Variants in NCKAP5 observed in about 807,000 individuals in gnomAD.
The protein encoded by NCKAP5 is NCK associated protein 5, also known as nck-associated protein 5.
A neutral mutation model predicts 167.0 loss-of-function variants in NCKAP5; 92 were observed. The observed-to-expected ratio is 0.55, with a 90% CI of 0.47 to 0.66. The LOEUF is 0.66. Ranked by LOEUF, NCKAP5 falls within the 30% of genes least tolerant of loss-of-function variation. The pLI, the probability that NCKAP5 is intolerant of heterozygous loss-of-function variation, is 0.00. For missense variants in NCKAP5, 2,378 were observed against 2,315.0 expected (o/e 1.03, Z -0.56); for synonymous variants, 891 against 877.4 (o/e 1.02, Z -0.27).
chr2:133,461,172 T>A lies in NCKAP5; in HGVS notation c.69+56286A>T, dbSNP rs550068831. Among the ~76,000 whole-genome samples, 7 of 152,252 alleles carry A rather than the reference T, an allele frequency of 4.6e-5. No homozygotes were observed. In the East Asian group the frequency reaches 1.2e-3, roughly 25 times the overall value. The stretch of plus-strand genomic sequence containing the variant: ...AGCAGGTCTCAGGCAATCTTCATGC[T>A]GTGCCCATTGGGAGGAAGGACCTCC... On this transcript the variant is annotated intron_variant, in intron 3 of 19. Coordinates refer to ENST00000409261, the MANE Select transcript of NCKAP5 (RefSeq NM_207363.3).
At chr2:133,235,111 T>C (rs1406837035) in intron 4 of NCKAP5, among the ~76,000 whole-genome samples, 2 of 151,780 alleles carry the variant, frequency 1.3e-5, no homozygotes, top group Non-Finnish European at 2.9e-5. Flanking sequence ...ACTCTGGTGA[T>C]AATACAGTCA....
intron 6 of NCKAP5, among the ~76,000 whole-genome samples, chr2:133,036,845 T>G (rs1286003784): frequency 6.6e-6 from 1 of 152,000 alleles, no homozygotes; most frequent in Non-Finnish European, 1.5e-5. Flanking sequence ...AAAAACATAA[T>G]GGGCATCTAA....
intron 5 of NCKAP5, among the ~76,000 whole-genome samples, chr2:133,135,823 C>T (rs1040456783): frequency 1.3e-5 from 2 of 151,970 alleles, no homozygotes; most frequent in African/African-American, 4.8e-5. Context: ...TATGGTAAGG[C>T]ACTTCAAAAA....
chr2:133,222,872 C>T (rs1304760385), intron 4 of NCKAP5, among the ~76,000 whole-genome samples: 1 of 152,162 alleles, frequency 6.6e-6, no homozygotes, highest in Non-Finnish European at 1.5e-5. Context: ...GAACTTGTGC[C>T]TCTGTAGCTA....
At chr2:133,246,538 G>C (rs1010905066) in intron 4 of NCKAP5, among the ~76,000 whole-genome samples, 2 of 152,238 alleles carry the variant, frequency 1.3e-5, no homozygotes, top group African/African-American at 2.4e-5. Context: ...GCTGGAATCA[G>C]TGGGTAAGAC....
chr2:133,551,196 C>T lies in NCKAP5; in HGVS notation c.-62+7854G>A, dbSNP rs1307939325. ...AGGTAATTTATAGATTCAATGCCAT[C>T]CCCATCAAGCTACCAATGACTTTCT... is the stretch of plus-strand genomic sequence containing the variant. On this transcript the variant is annotated intron_variant, in intron 2 of 19. Coordinates refer to ENST00000409261, the MANE Select transcript of NCKAP5 (RefSeq NM_207363.3). 2.0e-5 allele frequency among the ~76,000 whole-genome samples: 3 copies of T among 152,070 alleles called. No homozygotes were observed. The East Asian group carries it at 5.8e-4, about 29-fold the overall frequency.
intron 6 of NCKAP5, among the ~76,000 whole-genome samples, chr2:133,064,511 A>G (rs1017943323): frequency 6.6e-6 from 1 of 152,236 alleles, no homozygotes; most frequent in African/African-American, 2.4e-5. Context: ...AAACAGATTA[A>G]GAAAAAGTGT....
chr2:132,714,895 A>C, intron 19 of NCKAP5: 2 of 456,178 alleles, frequency 4.4e-6, no homozygotes, highest in South Asian at 1.5e-5. Context: ...GGCATTTCTA[A>C]CATACCCAGC....
chr2:133,657,824 G>C, the NCKAP5 span, among the ~76,000 whole-genome samples: 4 of 152,168 alleles, frequency 2.6e-5, no homozygotes, highest in African/African-American at 9.7e-5. Context: ...CAAAAGCTCT[G>C]AGTCAGAGCT....
the NCKAP5 span, among the ~76,000 whole-genome samples, chr2:133,670,369 A>C: frequency 1.3e-5 from 2 of 152,332 alleles, no homozygotes; most frequent in East Asian, 3.9e-4. Context: ...AGTTTTGAAA[A>C]AGAAGGTATG....
rs978530538 is a variant in NCKAP5 at position 133,466,606 on chromosome 2, G to A, written c.69+50852C>T. Among the ~76,000 whole-genome samples the A allele has an allele frequency of 6.5e-3, 994 of 152,218 alleles. 16 individuals are homozygous for A. Among genetic ancestry groups the A allele is most frequent in the African/African-American group, 0.022 (927 of 41,492 alleles). ...ATCTAAAAATTACCTTGGGCAGTATGGCCATTTTCACGATATTGATTCTTC... is the reference window on the plus strand; with the variant it reads ...ATCTAAAAATTACCTTGGGCAGTATAGCCATTTTCACGATATTGATTCTTC... On this transcript the variant is annotated intron_variant, in intron 3 of 19. Transcript: ENST00000409261.
chr2:132,706,173 C>G (rs966935022), intron 19 of NCKAP5, among the ~76,000 whole-genome samples: 1 of 152,016 alleles, frequency 6.6e-6, no homozygotes. Context: ...TCATGCACTC[C>G]CTCTCTGTCC....
chr2:133,065,357 T>C (rs986762251), intron 6 of NCKAP5, among the ~76,000 whole-genome samples: 9 of 152,228 alleles, frequency 5.9e-5, no homozygotes, highest in African/African-American at 2.2e-4. Flanking sequence ...CCAGGCATGG[T>C]GGCTTATGCC....
In NCKAP5 at chr2:132,711,647, A is replaced by G. The variant is rs114968334; in HGVS notation, c.5713+13980T>C. ...ATGTTATTCTTCTGAGTATGAGTAT[A>G]GTCTTTATCCATAATCCATAAATAT... On this transcript the variant is annotated intron_variant, in intron 19 of 19. Transcript: ENST00000409261. 7.2e-3 allele frequency among the ~76,000 whole-genome samples: 1,098 copies of G among 152,328 alleles called. 12 individuals are homozygous for G. Among genetic ancestry groups the G allele is most frequent in the African/African-American group, 0.023 (963 of 41,564 alleles).
chr2:133,002,177 A>G (rs929852531), intron 6 of NCKAP5, among the ~76,000 whole-genome samples: 1 of 152,162 alleles, frequency 6.6e-6, no homozygotes, highest in Non-Finnish European at 1.5e-5. Flanking sequence ...TTCTAGATCC[A>G]GGCTTTATGC....
At chr2:133,198,747 A>G (rs2085545838) in intron 5 of NCKAP5, among the ~76,000 whole-genome samples, 1 of 152,152 alleles carries the variant, frequency 6.6e-6, no homozygotes, top group Non-Finnish European at 1.5e-5. Flanking sequence ...TATTATTAAA[A>G]AGTCACTGGA....
chr2:133,285,064 T>C (rs1021348292), intron 4 of NCKAP5, among the ~76,000 whole-genome samples: 1 of 152,210 alleles, frequency 6.6e-6, no homozygotes, highest in African/African-American at 2.4e-5. Flanking sequence ...TATACGTATC[T>C]TGTTTCCAAA....
intron 4 of NCKAP5, among the ~76,000 whole-genome samples, chr2:133,219,527 C>T (rs1461717772): frequency 6.6e-6 from 1 of 152,198 alleles, no homozygotes; most frequent in East Asian, 1.9e-4. Context: ...AGCTAAGTCC[C>T]ACGACAGCAA....
intron 5 of NCKAP5, among the ~76,000 whole-genome samples, chr2:133,182,041 G>A (rs2084761183): frequency 2.0e-5 from 3 of 152,110 alleles, no homozygotes; most frequent in African/African-American, 7.2e-5. Flanking sequence ...TTATAAAATG[G>A]TCTATTCACC....
Sources: gnomAD v4.1 joint callset for allele counts (sites outside exome capture counted in the v4.1 genomes callset) on GRCh38, gnomAD v4.1.1 for gene constraint, MANE v1.5 for transcripts, NCBI Gene and HGNC (gene_info 2026-07-23, HGNC 2026-07-21) for gene names.